The following CRELD1 variants were observed in gnomAD, a reference collection of about 807,000 sequenced individuals.
CRELD1 encodes the protein protein disulfide isomerase CRELD1.
In CRELD1, 42 loss-of-function variants were observed where a neutral mutation model predicts 58.2. That is an observed-to-expected ratio of 0.72 (90% confidence interval 0.56 to 0.93). CRELD1 has a LOEUF of 0.93. Among genes scored for constraint, CRELD1 ranks in the 40% least tolerant of loss-of-function variants. The pLI, the probability that CRELD1 is intolerant of heterozygous loss-of-function variation, is 0.00. For synonymous variants in CRELD1, 222 were observed against 202.0 expected, an observed-to-expected ratio of 1.10 and a Z score of -0.84; for missense variants, 500 against 540.6, an observed-to-expected ratio of 0.92 and a Z score of 0.74.
At chr3:9,943,341 G>T in intron 9 of CRELD1, 40 bp from the exon 10 acceptor site, 2 of 1,613,630 alleles carry the variant, frequency 1.2e-6, no homozygotes, top group South Asian at 2.2e-5. Flanking sequence ...GTGCTGGGTG[G>T]GGGGCCCTAG....
chr3:9,934,798 G>C (rs535313075), intron 2 of CRELD1, 37 bp from the exon 3 acceptor site: 1 of 1,581,934 alleles, frequency 6.3e-7, no homozygotes, highest in East Asian at 2.3e-5. Flanking sequence ...CATGTGCCAG[G>C]CACTGTACTT....
chr3:9,937,925 A>T, intron 4 of CRELD1, 90 bp from the exon 5 acceptor site: 1 of 971,996 alleles, frequency 1.0e-6, no homozygotes, highest in Non-Finnish European at 1.6e-6. Flanking sequence ...GGGTTGAATC[A>T]CAGATTCAGG....
At chr3:9,943,213 C>G in intron 9 of CRELD1, 41 bp downstream of exon 9, 1 of 1,596,004 alleles carries the variant, frequency 6.3e-7, no homozygotes, top group Non-Finnish European at 8.6e-7. Flanking sequence ...CTGGGAGTGC[C>G]TCACCCAGCA....
chr3:9,944,446 C>T lies in CRELD1; in HGVS notation c.1130C>T (p.Ala377Val), dbSNP rs765788326. 2.5e-6 allele frequency: 4 copies of T among 1,613,940 alleles called. No individual in the cohort carries two copies. The South Asian group carries it at 4.4e-5, about 18-fold the overall frequency. ...ATGTTCTTTGGCATCATCATCTGTG[C>T]ACTGGCCACGCTGGCTGCTAAGGGC... Reference protein sequence around the residue: ...QQMFFGIIICALATLAAKGDL... With the variant: ...QQMFFGIIICVLATLAAKGDL... The change falls in exon 11 of 11, where the codon GCA becomes GTA. Residue 377 changes from alanine (A) to valine (V), a missense_variant. Transcript: ENST00000452070.
At chr3:9,940,529 G>T (rs1204350523) in intron 5 of CRELD1, among the ~76,000 whole-genome samples, 1 of 151,986 alleles carries the variant, frequency 6.6e-6, no homozygotes, top group Non-Finnish European at 1.5e-5. Context: ...CCAGTCAGGC[G>T]TGGTGGCGCG....
chr3:9,937,696 G>A (rs1193275432), intron 4 of CRELD1, 24 bp downstream of exon 4: 38 of 1,528,114 alleles, frequency 2.5e-5, no homozygotes, highest in Non-Finnish European at 3.2e-5. Flanking sequence ...GGCCTTCCCT[G>A]GAAGTGGGTC....
rs1397308966 is a variant in CRELD1, at chr3:9,940,760, CAAGGGA to C, written c.461-89_461-84del. On this transcript the variant is annotated intron_variant, in intron 5 of 10. Coordinates refer to ENST00000452070, the MANE Select transcript of CRELD1 (RefSeq NM_001077415.3). ...AGGGGAGGGGGGGAGGGAGGGAAGGCAAGGGAGAGGGAGAGGGAGAGGGAGAAAATA... is the reference window on the plus strand; with the variant it reads ...AGGGGAGGGGGGGAGGGAGGGAAGGCGAGGGAGAGGGAGAGGGAGAAAATA... The C allele has an allele frequency of 1.3e-3, 1,075 of 842,590 alleles. 2 individuals carry two copies. Among genetic ancestry groups the C allele is most frequent in the Non-Finnish European group, 1.5e-3 (890 of 582,198 alleles). 52.2% of individuals were successfully genotyped at this position (842,590 alleles called of 1,614,324 possible).
At chr3:9,938,446 C>T in intron 5 of CRELD1, 3 of 334,018 alleles carry the variant, frequency 9.0e-6, no homozygotes, top group Non-Finnish European at 1.7e-5. Flanking sequence ...TGATCGCCAT[C>T]CATCCTCACA....
At chr3:9,938,157 G>A (rs1559335884) in intron 5 of CRELD1, 51 bp downstream of exon 5, 1 of 1,372,286 alleles carries the variant, frequency 7.3e-7, no homozygotes. Flanking sequence ...CGAGTCCAGG[G>A]ATCCAGTCCT....
chr3:9,943,249 G>A, intron 9 of CRELD1, 77 bp downstream of exon 9: 1 of 1,588,390 alleles, frequency 6.3e-7, no homozygotes, highest in Non-Finnish European at 8.6e-7. Flanking sequence ...CTGGAATATG[G>A]GCAGGTGGGG....
intron 3 of CRELD1, among the ~76,000 whole-genome samples, chr3:9,936,573 ATATT>A: frequency 6.6e-6 from 1 of 151,670 alleles, no homozygotes; most frequent in East Asian, 1.9e-4. Flanking sequence ...ATATATGTAT[ATATT>A]TGTGGTAAAA....
chr3:9,936,567 A>G (rs902946307), intron 3 of CRELD1, among the ~76,000 whole-genome samples: 7 of 151,454 alleles, frequency 4.6e-5, no homozygotes, highest in South Asian at 2.1e-4. Flanking sequence ...ATATATATAT[A>G]TGTATATATT....
chr3:9,936,245 T>C (rs1452957649), intron 3 of CRELD1: 1 of 152,210 alleles, frequency 6.6e-6, no homozygotes. Flanking sequence ...AATAAAGGTT[T>C]TGTTATTATG....
rs189210146 is a variant in CRELD1 at position 9,935,202 on chromosome 3, G to A, written c.257+285G>A. On this transcript the variant is annotated intron_variant, in intron 3 of 10. Transcript: ENST00000452070. ...GGACGGTGGGAGGCAAGGTGTTCAA[G>A]GTTTGGCATTTGAACAGAGAGACAG... 24 of 379,740 alleles carry A rather than the reference G, an allele frequency of 6.3e-5. No homozygotes were observed. In the East Asian group the frequency reaches 1.2e-3, roughly 19 times the overall value. The allele number at this position is 379,740 out of a possible 1,614,324, so 23.5% of individuals were successfully genotyped here. A position where few individuals can be genotyped will look rare whatever the true frequency, so the allele number is the denominator to read the frequency against.
chr3:9,938,051 C>T lies in CRELD1; in HGVS notation c.405C>T (p.Cys135=), dbSNP rs1012933250. Residue 135 remains cysteine (C), a synonymous_variant, in exon 5 of 11, where the codon TGC becomes TGT. Coordinates refer to ENST00000452070, the MANE Select transcript of CRELD1 (RefSeq NM_001077415.3). The part of the protein sequence containing the change: ...QEAPDLFQWL[C]SDSLKLCCPA... ...CCCCGGACCTCTTCCAGTGGCTGTG[C>T]TCAGATTCCCTGAAGCTCTGCTGCC... 6.2e-7 allele frequency: 1 copy of T among 1,614,070 alleles called. No homozygotes were observed. Among genetic ancestry groups the T allele is most frequent in the South Asian group, 1.1e-5 (1 of 91,068 alleles).
intron 2 of CRELD1, 59 bp from the exon 3 acceptor site, chr3:9,934,776 G>C (rs143250494): frequency 7.1e-6 from 11 of 1,547,452 alleles, no homozygotes; most frequent in Middle Eastern, 1.7e-4. Context: ...CAGTAGAACA[G>C]TGAAGTGCTA....
At chr3:9,939,799 C>T (rs1487810694) in intron 5 of CRELD1, among the ~76,000 whole-genome samples, 1 of 152,156 alleles carries the variant, frequency 6.6e-6, no homozygotes, top group East Asian at 1.9e-4. Flanking sequence ...CTTTTCTATT[C>T]CACAAAACCG....
intron 10 of CRELD1, 77 bp downstream of exon 10, chr3:9,943,592 C>T: frequency 6.2e-7 from 1 of 1,606,894 alleles, no homozygotes; most frequent in East Asian, 2.2e-5. Flanking sequence ...GTAGCAGTGG[C>T]AGCTCCAGGC....
At position 9,944,605 on chromosome 3, in the gene CRELD1, C is replaced by T; in HGVS notation, c.*26C>T. 6.4e-7 allele frequency: 1 copy of T among 1,567,468 alleles called. No individual in the cohort carries two copies. The highest frequency in any genetic ancestry group is 8.6e-7 in the Non-Finnish European group (1 of 1,161,130). ...TCGCGGCCACCACCTGTAGGACCTC[C>T]TCCCACCCACGCTGCCCCCAGAGCT... is the stretch of plus-strand genomic sequence containing the variant. On this transcript the variant is annotated 3_prime_UTR_variant, in exon 11 of 11. Transcript: ENST00000452070.
Sources: allele counts gnomAD v4.1 joint callset (sites outside exome capture counted in the v4.1 genomes callset), GRCh38; gene constraint gnomAD v4.1.1; transcripts MANE v1.5; gene names NCBI Gene and HGNC (gene_info 2026-07-23, HGNC 2026-07-21).